Variants in GATAD1 observed in about 807,000 individuals in gnomAD.
The protein encoded by GATAD1 is GATA zinc finger domain-containing protein 1.
Under a neutral mutation model 26.5 loss-of-function variants are expected in GATAD1, and 12 were observed. That is an observed-to-expected ratio of 0.45 (90% CI 0.29 to 0.73). The LOEUF (loss-of-function observed/expected upper bound fraction) is 0.73, where lower values mean the gene tolerates loss of function less well. Ranked by LOEUF, GATAD1 falls within the 30% of genes least tolerant of loss-of-function variation. The probability of loss-of-function intolerance (pLI) is 0.10; values close to 1 mark genes in which losing one functional copy is unlikely to be tolerated. For missense variants in GATAD1, 266 were observed against 342.1 expected (o/e 0.78, Z 1.75); for synonymous variants, 129 against 133.1 (o/e 0.97, Z 0.21).
chr7:92,468,749 T>A, the GATAD1 span: 3 of 700,088 alleles, frequency 4.3e-6, no homozygotes, highest in African/African-American at 5.3e-5. Flanking sequence ...GTTGGGGAGG[T>A]TGGCCGACGA....
the GATAD1 span, chr7:92,493,188 A>G: frequency 1.1e-6 from 1 of 951,544 alleles, no homozygotes; most frequent in Non-Finnish European, 1.6e-6. Flanking sequence ...ATTATCTTAA[A>G]TTGTGTATCT....
downstream of GATAD1, chr7:92,461,278 T>C (rs1267379337): frequency 6.6e-6 from 1 of 152,284 alleles, no homozygotes; most frequent in Non-Finnish European, 1.5e-5. Flanking sequence ...GTTCAAGTTT[T>C]TCTTTCCTGT....
the GATAD1 span, among the ~76,000 whole-genome samples, chr7:92,484,056 G>A: frequency 2.0e-5 from 3 of 152,148 alleles, no homozygotes; most frequent in South Asian, 6.2e-4. Flanking sequence ...TGGACGTCAG[G>A]CATCTCAGAC....
At chr7:92,491,190 G>A in the GATAD1 span, 1 of 943,040 alleles carries the variant, frequency 1.1e-6, no homozygotes. Context: ...TGTGGGGCTG[G>A]TTAGGAGAGA....
the GATAD1 span, chr7:92,472,759 G>A: frequency 1.3e-5 from 2 of 152,230 alleles, no homozygotes; most frequent in Non-Finnish European, 2.9e-5. Context: ...GCCAGTATAG[G>A]CTGGATGTGT....
chr7:92,484,700 T>C, the GATAD1 span, among the ~76,000 whole-genome samples: 2 of 152,166 alleles, frequency 1.3e-5, no homozygotes, highest in Admixed American at 6.5e-5. Context: ...ACTGCTTACC[T>C]GATTTGAAAT....
the GATAD1 span, among the ~76,000 whole-genome samples, chr7:92,483,766 C>G: frequency 6.6e-6 from 1 of 152,120 alleles, no homozygotes; most frequent in Non-Finnish European, 1.5e-5. Flanking sequence ...AGTCACAGAA[C>G]GAAACTGTAA....
chr7:92,482,956 CAG>C, the GATAD1 span, among the ~76,000 whole-genome samples: 2 of 152,138 alleles, frequency 1.3e-5, no homozygotes, highest in Non-Finnish European at 1.5e-5. Context: ...ATCGATTAAA[CAG>C]GGGATGGACT....
the GATAD1 span, among the ~76,000 whole-genome samples, chr7:92,465,729 A>G: frequency 4.6e-5 from 7 of 152,204 alleles, no homozygotes; most frequent in South Asian, 4.2e-4. Flanking sequence ...TCTGCCAGGC[A>G]TGGTGGCTCA....
intron 2 of GATAD1, chr7:92,449,770 A>G (rs1047885895): frequency 4.8e-6 from 1 of 209,646 alleles, no homozygotes. Flanking sequence ...ACATAGGTAT[A>G]CGTGCCATGG....
At chr7:92,469,102 C>A in the GATAD1 span, 2 of 702,312 alleles carry the variant, frequency 2.8e-6, no homozygotes, top group East Asian at 2.7e-5. Flanking sequence ...CTCTGCTCTA[C>A]GTTGTATTCG....
At chr7:92,450,967 A>C (rs1408542409) in intron 3 of GATAD1, among the ~76,000 whole-genome samples, 1 of 152,200 alleles carries the variant, frequency 6.6e-6, no homozygotes, top group African/African-American at 2.4e-5. Flanking sequence ...GAAAGTGCCT[A>C]CTGACACATG....
Position 92,454,659 on chromosome 7 carries a change from A to G in GATAD1, c.593A>G (p.Gln198Arg), listed in dbSNP as rs777057775. The G allele has an allele frequency of 1.9e-6, 3 of 1,599,296 alleles. No individual in the cohort carries two copies. Among genetic ancestry groups the G allele is most frequent in the South Asian group, 1.1e-5 (1 of 87,360 alleles). ...LIPTLSSPRDQFDPASYIIGP... is the reference protein window; with the variant it reads ...LIPTLSSPRDRFDPASYIIGP... ...CCTACCCTCTCTAGCCCCAGAGACC[A>G]ATTTGATCCCGCCTCCTATATCATA... is the stretch of plus-strand genomic sequence containing the variant. The change falls in exon 4 of 5, where the codon CAA becomes CGA. Residue 198 changes from glutamine to arginine, a missense_variant. Transcript: ENST00000287957.
At position 92,459,600 on chromosome 7, in the gene GATAD1, T is replaced by C. The variant is rs567747214; in HGVS notation, c.*3038T>C. On this transcript the variant is annotated 3_prime_UTR_variant, in exon 5 of 5. Transcript: ENST00000287957. Reference sequence around the variant, plus strand: ...TCATACTGTTCTCTCCAATTCTACCTTCCAAAGGCCTTTCTTAACACCTTC... The same window carrying C: ...TCATACTGTTCTCTCCAATTCTACCCTCCAAAGGCCTTTCTTAACACCTTC... Among the ~76,000 whole-genome samples, 4 of 152,314 alleles carry C rather than the reference T, an allele frequency of 2.6e-5. No individual in the cohort carries two copies. Among genetic ancestry groups the C allele is most frequent in the African/African-American group, 9.6e-5 (4 of 41,572 alleles).
chr7:92,461,140 T>C (rs1463126133), downstream of GATAD1, among the ~76,000 whole-genome samples: 1 of 152,218 alleles, frequency 6.6e-6, no homozygotes, highest in African/African-American at 2.4e-5. Context: ...TGGGAGTGAC[T>C]TCCTTCAGCT....
intron 3 of GATAD1, among the ~76,000 whole-genome samples, chr7:92,451,000 T>G (rs1158274379): frequency 6.6e-6 from 1 of 152,190 alleles, no homozygotes; most frequent in Non-Finnish European, 1.5e-5. Flanking sequence ...TAAGTATTTT[T>G]TTTTAGTGTA....
downstream of GATAD1, chr7:92,463,010 T>C (rs1789977757): frequency 6.6e-6 from 1 of 152,198 alleles, no homozygotes; most frequent in Admixed American, 6.5e-5. Context: ...AGCAGACGAA[T>C]GGATGATCAA....
chr7:92,469,181 CTAAAAA>C, the GATAD1 span: 1 of 720,290 alleles, frequency 1.4e-6, no homozygotes, highest in Non-Finnish European at 2.5e-6. Flanking sequence ...CATTCTTCCC[CTAAAAA>C]TAAACAGGTT....
chr7:92,455,422 A>G (rs1015377522), intron 4 of GATAD1, among the ~76,000 whole-genome samples: 2 of 152,182 alleles, frequency 1.3e-5, no homozygotes, highest in Non-Finnish European at 2.9e-5. Context: ...ATACTTGCAA[A>G]TTCTCAATAT....
Sources: allele counts gnomAD v4.1 joint callset (sites outside exome capture counted in the v4.1 genomes callset), GRCh38; gene constraint gnomAD v4.1.1; transcripts MANE v1.5; gene names NCBI Gene and HGNC (gene_info 2026-07-23, HGNC 2026-07-21).